The following FHIT variants were observed in gnomAD, a reference collection of about 807,000 sequenced individuals.
FHIT encodes bis(5'-adenosyl)-triphosphatase.
FHIT carries 19 observed loss-of-function variants against 17.9 expected under a neutral mutation model. The ratio of observed to expected loss-of-function variants is 1.06; its 90% CI spans 0.74 to 1.56. The LOEUF (loss-of-function observed/expected upper bound fraction) is 1.56. Among genes scored for constraint, FHIT ranks in the 40% most tolerant of loss-of-function variants. FHIT has a pLI of 0.00. For missense variants in FHIT, 248 were observed against 189.2 expected (o/e 1.31, Z -1.82); for synonymous variants, 81 against 69.7 (o/e 1.16, Z -0.81).
chr3:59,873,068 C>T (rs1449551338), intron 8 of FHIT, among the ~76,000 whole-genome samples: 2 of 152,198 alleles, frequency 1.3e-5, no homozygotes. Flanking sequence ...ATTTTTGACA[C>T]AATTCCTTCC....
At chr3:60,620,643 G>A (rs1191200623) in intron 4 of FHIT, among the ~76,000 whole-genome samples, 1 of 152,020 alleles carries the variant, frequency 6.6e-6, no homozygotes, top group Non-Finnish European at 1.5e-5. Flanking sequence ...AGGGCTCAGA[G>A]GAGGGGGAGG....
At chr3:60,396,728 A>T (rs1305335005) in intron 5 of FHIT, among the ~76,000 whole-genome samples, 2 of 152,204 alleles carry the variant, frequency 1.3e-5, no homozygotes, top group South Asian at 4.1e-4. Context: ...TGGTAGCTGC[A>T]CAACATTATC....
chr3:60,775,308 C>T (rs1051987471), intron 4 of FHIT, among the ~76,000 whole-genome samples: 2 of 152,140 alleles, frequency 1.3e-5, no homozygotes, highest in Admixed American at 6.5e-5. Context: ...GTGAGACAGC[C>T]AGGTGAGGAG....
At chr3:61,174,899 T>C (rs534904229) in intron 2 of FHIT, among the ~76,000 whole-genome samples, 79 of 152,248 alleles carry the variant, frequency 5.2e-4, no homozygotes, top group African/African-American at 1.6e-3. Context: ...TTCTAGAACT[T>C]TAGAGATGGG....
chr3:59,750,512 A>G (rs763703487), intron 9 of FHIT: 2 of 224,592 alleles, frequency 8.9e-6, no homozygotes, highest in Admixed American at 5.7e-5. Flanking sequence ...TTAAAAAACG[A>G]GAGAGAGATG....
At chr3:60,624,814 T>G (rs1205845289) in intron 4 of FHIT, among the ~76,000 whole-genome samples, 1 of 152,210 alleles carries the variant, frequency 6.6e-6, no homozygotes, top group Non-Finnish European at 1.5e-5. Context: ...TCATTCCTTT[T>G]TTTTACAAGA....
At chr3:60,510,474 G>C (rs561124247) in intron 5 of FHIT, among the ~76,000 whole-genome samples, 1 of 152,300 alleles carries the variant, frequency 6.6e-6, no homozygotes, top group East Asian at 1.9e-4. Flanking sequence ...AGCATCTGCT[G>C]AGTATAATGG....
At chr3:59,885,140 G>T (rs1019285375) in intron 8 of FHIT, among the ~76,000 whole-genome samples, 1 of 152,166 alleles carries the variant, frequency 6.6e-6, no homozygotes, top group African/African-American at 2.4e-5. Flanking sequence ...GCAAAAGAAA[G>T]CTCATCAGTT....
intron 4 of FHIT, among the ~76,000 whole-genome samples, chr3:60,710,440 C>T (rs1363093480): frequency 2.0e-5 from 3 of 152,204 alleles, no homozygotes; most frequent in Non-Finnish European, 4.4e-5. Flanking sequence ...GGGTGCAGTG[C>T]ACCGTGCACC....
Position 60,149,985 on chromosome 3 carries a change from CCTTTTTTTTTTTT to C in FHIT, c.104-135846_104-135834del, listed in dbSNP as rs1228758518. Among the ~76,000 whole-genome samples, 33 of 50,940 alleles carry C rather than the reference CCTTTTTTTTTTTT, an allele frequency of 6.5e-4. No homozygotes were observed. In the East Asian group the frequency reaches 0.01, roughly 16 times the overall value. 33.4% of individuals were successfully genotyped at this position (50,940 alleles called of 152,430 possible). A position where few individuals can be genotyped will look rare whatever the true frequency, so the allele number is the denominator to read the frequency against. ...GCTGGATAAAAGGCAAACCTTTAAGCCTTTTTTTTTTTTTTTTTTTTTTTTGGTGACCAAGTTT... is the reference window on the plus strand; with the variant it reads ...GCTGGATAAAAGGCAAACCTTTAAGCTTTTTTTTTTTTGGTGACCAAGTTT... On this transcript the variant is annotated intron_variant, in intron 5 of 9. Transcript: ENST00000492590.
chr3:60,661,904 G>GT lies in FHIT; in HGVS notation c.-17-124926dup, dbSNP rs782810591. 1.5e-4 allele frequency among the ~76,000 whole-genome samples: 22 copies of GT among 151,708 alleles called. No homozygotes were observed. In the East Asian group the frequency reaches 2.3e-3, roughly 16 times the overall value. On this transcript the variant is annotated intron_variant, in intron 4 of 9. Transcript: ENST00000492590. The stretch of plus-strand genomic sequence containing the variant: ...AGCCCAGTTTTTGATGGGATTGTTT[G>GT]TTTTTTTTCTTGCTAATTTGTTTGA...
At chr3:60,510,555 C>T (rs907234864) in intron 5 of FHIT, among the ~76,000 whole-genome samples, 5 of 151,936 alleles carry the variant, frequency 3.3e-5, no homozygotes, top group African/African-American at 9.7e-5. Flanking sequence ...GGGTCAGCAT[C>T]GACTAGATGG....
chr3:60,910,381 C>T (rs1218320847), intron 3 of FHIT, among the ~76,000 whole-genome samples: 1 of 150,836 alleles, frequency 6.6e-6, no homozygotes, highest in Non-Finnish European at 1.5e-5. Context: ...CCTGAAGCTA[C>T]TACATCTTAA....
intron 5 of FHIT, among the ~76,000 whole-genome samples, chr3:60,195,928 T>C (rs539795152): frequency 6.6e-6 from 1 of 152,156 alleles, no homozygotes; most frequent in South Asian, 2.1e-4. Context: ...TTGGGTACCA[T>C]GTGCACAACT....
chr3:60,639,758 G>A (rs2039679558), intron 4 of FHIT, among the ~76,000 whole-genome samples: 1 of 152,136 alleles, frequency 6.6e-6, no homozygotes, highest in Admixed American at 6.6e-5. Flanking sequence ...AATGTAGGAT[G>A]GAAGAAAGAG....
At chr3:59,982,147 T>C (rs1275963971) in intron 7 of FHIT, among the ~76,000 whole-genome samples, 1 of 152,160 alleles carries the variant, frequency 6.6e-6, no homozygotes, top group Non-Finnish European at 1.5e-5. Context: ...TGATGTATGG[T>C]CTCTTTTCTC....
chr3:59,883,771 C>G (rs369185652), intron 8 of FHIT, among the ~76,000 whole-genome samples: 6 of 152,176 alleles, frequency 3.9e-5, no homozygotes, highest in African/African-American at 1.4e-4. Flanking sequence ...GGAAACACTA[C>G]AGATTAACTG....
At chr3:59,806,515 G>A (rs1421093978) in intron 8 of FHIT, among the ~76,000 whole-genome samples, 2 of 151,908 alleles carry the variant, frequency 1.3e-5, no homozygotes, top group African/African-American at 4.8e-5. Context: ...ATCCCCAGCG[G>A]CAATTCCCAT....
chr3:61,111,337 C>T (rs41495354), intron 2 of FHIT, among the ~76,000 whole-genome samples: 6,855 of 152,234 alleles, frequency 0.045, 280 homozygotes, highest in African/African-American at 0.11. Flanking sequence ...CTGTCACTTA[C>T]AAGCCACACT....
Sources: gnomAD v4.1 joint callset for allele counts (sites outside exome capture counted in the v4.1 genomes callset) on GRCh38, gnomAD v4.1.1 for gene constraint, MANE v1.5 for transcripts, NCBI Gene and HGNC (gene_info 2026-07-23, HGNC 2026-07-21) for gene names.